The following PIK3CB variants were observed in gnomAD, a reference collection of about 807,000 sequenced individuals.
PIK3CB encodes the protein phosphatidylinositol-4,5-bisphosphate 3-kinase catalytic subunit beta.
PIK3CB carries 39 observed loss-of-function variants against 136.8 expected under a neutral mutation model. The ratio of observed to expected loss-of-function variants is 0.29; its 90% CI spans 0.22 to 0.37. PIK3CB has a LOEUF of 0.37. PIK3CB is among the 10% of genes least tolerant of loss of function. PIK3CB has a pLI of 1.00. For missense variants in PIK3CB, 868 were observed against 1,275.4 expected, an observed-to-expected ratio of 0.68 and a Z score of 4.87; for synonymous variants, 428 against 436.6, an observed-to-expected ratio of 0.98 and a Z score of 0.25.
rs527425193 is a variant in PIK3CB, at chr3:138,663,192, T to C, written c.2796+714A>G. Among the ~76,000 whole-genome samples, 422 of 152,104 alleles carry C rather than the reference T, an allele frequency of 2.8e-3. 4 individuals carry two copies. Among genetic ancestry groups the C allele is most frequent in the African/African-American group, 8.4e-3 (349 of 41,500 alleles). On this transcript the variant is annotated intron_variant, in intron 21 of 23. Transcript: ENST00000674063. ...AATGGCTAATGTCCAGAATCTACAA[T>C]GAACTCAAACAAATTTACAAGAAAA... is the stretch of plus-strand genomic sequence containing the variant.
Position 138,759,329 on chromosome 3 carries a change from G to C in PIK3CB, c.15C>G (p.Phe5Leu), listed in dbSNP as rs1163476279. 6 of 1,607,840 alleles carry C rather than the reference G, an allele frequency of 3.7e-6. No individual in the cohort carries two copies. In the African/African-American group the frequency reaches 8.0e-5, roughly 21 times the overall value. The part of the protein sequence containing the change: MCFS[F>L]IMPPAMADIL... Reference sequence around the variant, plus strand: ...TGTCTGCCATAGCAGGAGGCATTATGAAACTGAAGCACATTCATAACCACG... The same window carrying C: ...TGTCTGCCATAGCAGGAGGCATTATCAAACTGAAGCACATTCATAACCACG... Residue 5 changes from phenylalanine to leucine, a missense_variant, in exon 3 of 24, where the codon TTC becomes TTG. By Grantham distance (22) the Phe-to-Leu change is conservative. Coordinates refer to ENST00000674063, the MANE Select transcript of PIK3CB (RefSeq NM_006219.3).
At chr3:138,750,439 A>T (rs2045447950) in intron 4 of PIK3CB, among the ~76,000 whole-genome samples, 1 of 152,134 alleles carries the variant, frequency 6.6e-6, no homozygotes, top group South Asian at 2.1e-4. Flanking sequence ...AGGATCACAC[A>T]ACCTAGATCC....
chr3:138,830,826 C>T (rs1266393274), intron 1 of PIK3CB, among the ~76,000 whole-genome samples: 3 of 150,580 alleles, frequency 2.0e-5, no homozygotes, highest in East Asian at 3.9e-4. Flanking sequence ...GGCGTGAACC[C>T]GGGAGGCGGA....
At chr3:138,808,056 T>C (rs6780957) in intron 1 of PIK3CB, among the ~76,000 whole-genome samples, 3,558 of 152,214 alleles carry the variant, frequency 0.023, 140 homozygotes, top group African/African-American at 0.082. Context: ...ATATATGTCA[T>C]GTTCCCTCAA....
At chr3:138,772,311 T>A (rs2045809392) in intron 2 of PIK3CB, among the ~76,000 whole-genome samples, 1 of 152,176 alleles carries the variant, frequency 6.6e-6, no homozygotes, top group Admixed American at 6.5e-5. Context: ...AATAAATGTT[T>A]CTTTTATTCA....
chr3:138,799,834 C>T (rs1211741218), intron 1 of PIK3CB, among the ~76,000 whole-genome samples: 3 of 151,870 alleles, frequency 2.0e-5, no homozygotes, highest in Non-Finnish European at 4.4e-5. Flanking sequence ...TGTGCCACCA[C>T]GCCTGCCTAA....
chr3:138,787,344 C>A (rs1050992288), intron 2 of PIK3CB, among the ~76,000 whole-genome samples: 1 of 143,762 alleles, frequency 7.0e-6, no homozygotes, highest in African/African-American at 2.6e-5. Context: ...CCAGCCTGGG[C>A]GACAGAGCAA....
At chr3:138,764,226 A>G (rs946803912) in intron 2 of PIK3CB, among the ~76,000 whole-genome samples, 15 of 151,866 alleles carry the variant, frequency 9.9e-5, no homozygotes, top group African/African-American at 3.4e-4. Flanking sequence ...AGGCAGGAGG[A>G]CTGCTTGAGC....
chr3:138,737,886 C>T lies in PIK3CB; in HGVS notation c.622G>A (p.Asp208Asn). 1 of 1,576,680 alleles carries T rather than the reference C, an allele frequency of 6.3e-7. No individual in the cohort carries two copies. Among genetic ancestry groups the T allele is most frequent in the Non-Finnish European group, 8.6e-7 (1 of 1,158,944 alleles). The change falls in exon 6 of 24, where the codon GAC (aspartate) becomes AAC (asparagine). Residue 208 changes from aspartate to asparagine, a missense_variant and splice_region_variant. Transcript: ENST00000674063. ...GGAGACACTTGAAAGCTAAACACGT[C>T]CTGAAGGGGGAGGGAGATGGGGAAA... ...IVAVHFENCQ[D>N]VFSFQVSPNM...
chr3:138,663,590 C>T (rs915062284), intron 21 of PIK3CB, among the ~76,000 whole-genome samples: 1 of 152,052 alleles, frequency 6.6e-6, no homozygotes, highest in African/African-American at 2.4e-5. Context: ...CCATGTTGAC[C>T]AGGCTGGTCT....
chr3:138,718,589 C>A (rs1256532747), intron 8 of PIK3CB, among the ~76,000 whole-genome samples: 4 of 152,156 alleles, frequency 2.6e-5, no homozygotes, highest in Non-Finnish European at 4.4e-5. Flanking sequence ...AAATTTTTGC[C>A]CATTCCTAAG....
chr3:138,674,643 A>G lies in PIK3CB; in HGVS notation c.2504+7324T>C, dbSNP rs2043607259. ...AGAAACAAAAAAGCATGGCACACAT[A>G]CAGGAAAAATGCATTCAATGAAACC... On this transcript the variant is annotated intron_variant, in intron 19 of 23. Coordinates refer to ENST00000674063, the MANE Select transcript of PIK3CB (RefSeq NM_006219.3). Among the ~76,000 whole-genome samples the G allele has an allele frequency of 2.0e-5, 3 of 152,248 alleles. No homozygotes were observed. In the South Asian group the frequency reaches 6.2e-4, roughly 31 times the overall value.
At chr3:138,720,265 T>G (rs2044699579) in intron 8 of PIK3CB, among the ~76,000 whole-genome samples, 1 of 152,152 alleles carries the variant, frequency 6.6e-6, no homozygotes. Context: ...CACCTCCAAA[T>G]CACTAATTAT....
At chr3:138,824,628 G>A (rs887242821) in intron 1 of PIK3CB, among the ~76,000 whole-genome samples, 1 of 152,030 alleles carries the variant, frequency 6.6e-6, no homozygotes, top group Admixed American at 6.6e-5. Flanking sequence ...GGGAGGCGGA[G>A]GTTGCAGTGA....
chr3:138,831,153 G>A (rs993136822), intron 1 of PIK3CB, among the ~76,000 whole-genome samples: 2 of 149,476 alleles, frequency 1.3e-5, no homozygotes, highest in Non-Finnish European at 3.0e-5. Context: ...CAGGCGTGGT[G>A]GCGGGCACCT....
intron 6 of PIK3CB, among the ~76,000 whole-genome samples, chr3:138,735,320 A>G (rs916219751): frequency 6.6e-6 from 1 of 152,166 alleles, no homozygotes; most frequent in Non-Finnish European, 1.5e-5. Context: ...GTACCTAAAG[A>G]AATGAGTTAG....
At chr3:138,734,885 T>A in intron 6 of PIK3CB, 81 bp from the exon 7 acceptor site, 1 of 861,626 alleles carries the variant, frequency 1.2e-6, no homozygotes, top group Non-Finnish European at 1.7e-6. Context: ...TGAACAACAC[T>A]ATATCAAATG....
chr3:138,816,476 C>T (rs543462405), intron 1 of PIK3CB, among the ~76,000 whole-genome samples: 46 of 152,004 alleles, frequency 3.0e-4, no homozygotes, highest in African/African-American at 1.1e-3. Context: ...CACCTGTAAT[C>T]CCAGCTACTC....
At chr3:138,688,806 G>A in intron 16 of PIK3CB, 69 bp downstream of exon 16, 1 of 885,296 alleles carries the variant, frequency 1.1e-6, no homozygotes, top group African/African-American at 1.7e-5. Flanking sequence ...ATTAAAACAA[G>A]CTGATATTCA....
Sources: gnomAD v4.1 joint callset for allele counts (sites outside exome capture counted in the v4.1 genomes callset) on GRCh38, gnomAD v4.1.1 for gene constraint, MANE v1.5 for transcripts, NCBI Gene and HGNC (gene_info 2026-07-23, HGNC 2026-07-21) for gene names.